EXOC2: variants seen among roughly 807,000 people sequenced by gnomAD.
The protein encoded by EXOC2 is exocyst complex component 2.
EXOC2 carries 70 observed loss-of-function variants against 131.8 expected under a neutral mutation model. That is an observed-to-expected ratio of 0.53 (90% CI 0.44 to 0.65). The LOEUF (loss-of-function observed/expected upper bound fraction) is 0.65. Ranked by LOEUF, EXOC2 falls within the 30% of genes least tolerant of loss-of-function variation. The pLI is 0.00. For synonymous variants in EXOC2, 411 were observed against 398.4 expected (o/e 1.03, Z -0.38); for missense variants, 923 against 1,108.6 (o/e 0.83, Z 2.38).
At chr6:524,908 C>T (rs1765660106) in intron 23 of EXOC2, 1 of 151,980 alleles carries the variant, frequency 6.6e-6, no homozygotes, top group African/African-American at 2.4e-5. Context: ...TTGGCTGCAT[C>T]CCTCTGTGCC....
chr6:680,922 G>C (rs1035126740), intron 1 of EXOC2, among the ~76,000 whole-genome samples: 8 of 152,166 alleles, frequency 5.3e-5, no homozygotes, highest in Admixed American at 1.3e-4. Context: ...GGGCTGACCA[G>C]ATCTGGGGAT....
At chr6:656,986 C>A in intron 1 of EXOC2, 2 of 1,462,434 alleles carry the variant, frequency 1.4e-6, no homozygotes, top group Non-Finnish European at 1.8e-6. Flanking sequence ...GAGGGGGATT[C>A]CGCGTGCCAC....
chr6:539,791 T>A (rs1360105329), intron 22 of EXOC2, among the ~76,000 whole-genome samples: 1 of 152,204 alleles, frequency 6.6e-6, no homozygotes, highest in Non-Finnish European at 1.5e-5. Flanking sequence ...CATCAAACTA[T>A]CATTAGAACA....
chr6:539,553 G>A (rs1168350626), intron 22 of EXOC2, among the ~76,000 whole-genome samples: 1 of 152,200 alleles, frequency 6.6e-6, no homozygotes, highest in Non-Finnish European at 1.5e-5. Flanking sequence ...TAAGTCGATT[G>A]TCAAATTTCT....
At chr6:591,340 C>T (rs1759531556) in intron 11 of EXOC2, among the ~76,000 whole-genome samples, 1 of 152,198 alleles carries the variant, frequency 6.6e-6, no homozygotes, top group African/African-American at 2.4e-5. Flanking sequence ...TCACAGCAGC[C>T]AAGAAAGTTC....
chr6:513,046 C>T (rs866810280), intron 23 of EXOC2, among the ~76,000 whole-genome samples: 4 of 152,316 alleles, frequency 2.6e-5, no homozygotes, highest in East Asian at 1.9e-4. Context: ...GCCGACTCTG[C>T]GACTCTATGT....
intron 11 of EXOC2, among the ~76,000 whole-genome samples, chr6:590,069 C>G (rs909096091): frequency 1.3e-4 from 19 of 149,650 alleles, no homozygotes; most frequent in African/African-American, 4.2e-4. Context: ...GAGCTGAGAT[C>G]GAGCCACTGC....
intron 25 of EXOC2, among the ~76,000 whole-genome samples, chr6:493,418 T>C (rs967558119): frequency 2.6e-5 from 4 of 152,232 alleles, no homozygotes; most frequent in African/African-American, 9.6e-5. Context: ...CTGACCATTT[T>C]AGGAGAAAGA....
chr6:642,827 ATATAGT>A (rs1164830100), intron 1 of EXOC2, among the ~76,000 whole-genome samples: 1 of 152,178 alleles, frequency 6.6e-6, no homozygotes, highest in Non-Finnish European at 1.5e-5. Flanking sequence ...TTATAGATCA[ATATAGT>A]TATAGAAATA....
intron 11 of EXOC2, among the ~76,000 whole-genome samples, chr6:577,411 T>A (rs73376490): frequency 6.6e-6 from 1 of 152,204 alleles, no homozygotes; most frequent in African/African-American, 2.4e-5. Flanking sequence ...CATCAAGAAA[T>A]TGTCTTTATT....
At chr6:526,731 C>T (rs1369241766) in intron 23 of EXOC2, among the ~76,000 whole-genome samples, 3 of 152,066 alleles carry the variant, frequency 2.0e-5, no homozygotes, top group South Asian at 2.1e-4. Flanking sequence ...TGAGCCACCG[C>T]GCCCGGCTCT....
At chr6:543,649 C>T (rs1756679736) in intron 22 of EXOC2, among the ~76,000 whole-genome samples, 2 of 152,152 alleles carry the variant, frequency 1.3e-5, no homozygotes. Context: ...TTAGGTTGAA[C>T]ATCACATTGT....
chr6:644,309 G>A (rs981215864), intron 1 of EXOC2, among the ~76,000 whole-genome samples: 1 of 152,052 alleles, frequency 6.6e-6, no homozygotes, highest in Non-Finnish European at 1.5e-5. Context: ...AACTATTCAT[G>A]ATTAAAAACT....
intron 23 of EXOC2, among the ~76,000 whole-genome samples, chr6:520,777 C>T (rs1311756446): frequency 1.4e-4 from 19 of 138,252 alleles, no homozygotes; most frequent in South Asian, 2.3e-4. Context: ...AACCACCACC[C>T]ACCGAGCACC....
At chr6:530,542 G>A (rs898434013) in intron 23 of EXOC2, among the ~76,000 whole-genome samples, 1 of 152,234 alleles carries the variant, frequency 6.6e-6, no homozygotes, top group African/African-American at 2.4e-5. Flanking sequence ...GAGACATGCA[G>A]GGGATGGGCT....
At chr6:630,742 A>C (rs1426745052) in intron 3 of EXOC2, among the ~76,000 whole-genome samples, 1 of 152,212 alleles carries the variant, frequency 6.6e-6, no homozygotes, top group Non-Finnish European at 1.5e-5. Context: ...TCAGTGCTGG[A>C]AATGTCCTAG....
chr6:544,832 T>C (rs547391100), intron 22 of EXOC2, among the ~76,000 whole-genome samples: 10 of 152,204 alleles, frequency 6.6e-5, no homozygotes, highest in Non-Finnish European at 1.2e-4. Context: ...CCGGAGTTTC[T>C]CAAAGAGATT....
chr6:492,235 G>C (rs1359369643), intron 25 of EXOC2, among the ~76,000 whole-genome samples: 1 of 152,218 alleles, frequency 6.6e-6, no homozygotes, highest in East Asian at 1.9e-4. Flanking sequence ...CACCCACTAG[G>C]ATGGCTATAA....
intron 23 of EXOC2, among the ~76,000 whole-genome samples, chr6:504,094 T>C (rs1447510181): frequency 6.6e-6 from 1 of 152,164 alleles, no homozygotes; most frequent in Non-Finnish European, 1.5e-5. Flanking sequence ...GCCAACACCG[T>C]TGGCAAAAGC....
Sources: gnomAD v4.1 joint callset for allele counts (sites outside exome capture counted in the v4.1 genomes callset) on GRCh38, gnomAD v4.1.1 for gene constraint, MANE v1.5 for transcripts, NCBI Gene and HGNC (gene_info 2026-07-23, HGNC 2026-07-21) for gene names.